The following CNBD1 variants were observed in gnomAD, a reference collection of about 807,000 sequenced individuals.
CNBD1 encodes cyclic nucleotide-binding domain-containing protein 1.
A neutral mutation model predicts 54.4 loss-of-function variants in CNBD1; 71 were observed. That is an observed-to-expected ratio of 1.30 (90% CI 1.08 to 1.59). The LOEUF (loss-of-function observed/expected upper bound fraction) is 1.59. CNBD1 is among the 40% of genes most tolerant of loss of function. CNBD1 has a pLI of 0.00. For synonymous variants in CNBD1, 182 were observed against 170.7 expected (o/e 1.07, Z -0.51); for missense variants, 659 against 518.0 (o/e 1.27, Z -2.64).
chr8:87,152,310 C>A (rs2130749936), intron 4 of CNBD1, among the ~76,000 whole-genome samples: 1 of 151,840 alleles, frequency 6.6e-6, no homozygotes, highest in African/African-American at 2.4e-5. Context: ...GAATGATAAC[C>A]AATATTTCAT....
chr8:86,974,985 G>A (rs1808309320), intron 4 of CNBD1, among the ~76,000 whole-genome samples: 1 of 151,942 alleles, frequency 6.6e-6, no homozygotes, highest in South Asian at 2.1e-4. Context: ...GGGCTAATGT[G>A]TTTGGAAAAA....
intron 5 of CNBD1, among the ~76,000 whole-genome samples, chr8:87,212,539 G>A (rs1425696044): frequency 1.3e-5 from 2 of 152,264 alleles, no homozygotes; most frequent in East Asian, 3.9e-4. Context: ...ATTGAGTCCA[G>A]AAATAATGTT....
In CNBD1 at chr8:87,087,289, A is replaced by T. The variant is rs183651103; in HGVS notation, c.432-118704A>T. ...TATATATATACGTATATATATATAT[A>T]TATTTTTTATTGCCCAATACATATA... On this transcript the variant is annotated intron_variant, in intron 4 of 10. Transcript: ENST00000518476. Among the ~76,000 whole-genome samples the T allele has an allele frequency of 8.1e-3, 1,175 of 145,526 alleles. 22 individuals are homozygous for T. The highest frequency in any genetic ancestry group is 0.029 in the African/African-American group (1,120 of 39,072).
In CNBD1 at chr8:86,866,442, A is replaced by G. The variant is rs112760560; in HGVS notation, c.-54A>G. 6.3e-5 allele frequency: 83 copies of G among 1,308,902 alleles called. No homozygotes were observed. The African/African-American group carries it at 9.3e-4, about 15-fold the overall frequency. The allele number at this position is 1,308,902 out of a possible 1,614,324, so 81.1% of individuals were successfully genotyped here. On this transcript the variant is annotated 5_prime_UTR_variant, in exon 1 of 11. Transcript: ENST00000518476. Reference sequence around the variant, plus strand: ...TTTATGAGCCTGCAGGCAAAGAGTGATCATTTGCCTCTCAAGCAGCCTCTG... The same window carrying G: ...TTTATGAGCCTGCAGGCAAAGAGTGGTCATTTGCCTCTCAAGCAGCCTCTG...
intron 5 of CNBD1, among the ~76,000 whole-genome samples, chr8:87,228,738 G>T (rs1814579286): frequency 6.6e-6 from 1 of 151,956 alleles, no homozygotes; most frequent in Admixed American, 6.5e-5. Flanking sequence ...ACAGAGGCAG[G>T]CAGGCCTCCT....
intron 4 of CNBD1, among the ~76,000 whole-genome samples, chr8:86,950,437 G>T (rs186198508): frequency 1.3e-5 from 2 of 152,194 alleles, no homozygotes; most frequent in East Asian, 3.9e-4. Context: ...TTGATATGAT[G>T]TATCACATTG....
intron 2 of CNBD1, among the ~76,000 whole-genome samples, chr8:87,399,307 C>T (rs1811459298): frequency 6.6e-6 from 1 of 152,010 alleles, no homozygotes. Context: ...CAGGGTTAGC[C>T]TTGGACACTG....
In CNBD1 at chr8:86,955,063, G is replaced by A. The variant is rs531728581; in HGVS notation, c.431+15309G>A. Among the ~76,000 whole-genome samples the A allele has an allele frequency of 1.2e-4, 17 of 143,850 alleles. No homozygotes were observed. In the East Asian group the frequency reaches 2.1e-3, roughly 18 times the overall value. 94.4% of individuals were successfully genotyped at this position (143,850 alleles called of 152,430 possible). A position where few individuals can be genotyped will look rare whatever the true frequency, so the allele number is the denominator to read the frequency against. On this transcript the variant is annotated intron_variant, in intron 4 of 10. Coordinates refer to ENST00000518476, the MANE Select transcript of CNBD1 (RefSeq NM_173538.3). ...GTGTTCTCATTGTTCATTTCCCACC[G>A]ATGAGTGAGAACATGCGGTGTTTGG...
intron 4 of CNBD1, among the ~76,000 whole-genome samples, chr8:87,088,502 C>G (rs1052575941): frequency 6.6e-6 from 1 of 151,966 alleles, no homozygotes; most frequent in African/African-American, 2.4e-5. Context: ...TTTAGTAGTG[C>G]TTGTTTTTAA....
At chr8:87,306,719 C>A (rs1438676120) in intron 8 of CNBD1, among the ~76,000 whole-genome samples, 1 of 150,906 alleles carries the variant, frequency 6.6e-6, no homozygotes, top group Non-Finnish European at 1.5e-5. Context: ...TATGAGGACA[C>A]AAAGGCATAA....
chr8:87,389,140 TATC>T (rs1811255188), intron 2 of CNBD1, among the ~76,000 whole-genome samples: 1 of 152,118 alleles, frequency 6.6e-6, no homozygotes, highest in African/African-American at 2.4e-5. Flanking sequence ...CCACAGCCAA[TATC>T]ATCCTGAATG....
chr8:87,413,246 C>T (rs939506096), intron 2 of CNBD1, among the ~76,000 whole-genome samples: 1 of 152,018 alleles, frequency 6.6e-6, no homozygotes. Context: ...GACTCATTTT[C>T]CAAGCTTAAC....
intron 3 of CNBD1, among the ~76,000 whole-genome samples, chr8:86,909,600 A>G (rs1460096709): frequency 6.6e-6 from 1 of 152,142 alleles, no homozygotes; most frequent in Non-Finnish European, 1.5e-5. Flanking sequence ...ATATGTATAC[A>G]TGTGCCATGT....
At chr8:87,368,579 G>A (rs981578650) in intron 10 of CNBD1, among the ~76,000 whole-genome samples, 3 of 151,880 alleles carry the variant, frequency 2.0e-5, no homozygotes, top group African/African-American at 7.2e-5. Flanking sequence ...TGAGGCTGCA[G>A]TGAGCTATGA....
intron 6 of CNBD1, among the ~76,000 whole-genome samples, chr8:87,268,973 G>C (rs983976877): frequency 2.6e-5 from 4 of 151,836 alleles, no homozygotes; most frequent in African/African-American, 7.3e-5. Context: ...TTACCTTTGG[G>C]GACTTAGTTA....
intron 4 of CNBD1, among the ~76,000 whole-genome samples, chr8:87,013,114 G>C (rs2130563780): frequency 6.6e-6 from 1 of 152,332 alleles, no homozygotes; most frequent in Admixed American, 6.5e-5. Flanking sequence ...GTGGAGCTAA[G>C]GTACAAGCAG....
intron 2 of CNBD1, among the ~76,000 whole-genome samples, chr8:87,408,918 T>G (rs550358575): frequency 8.3e-4 from 127 of 152,236 alleles, no homozygotes; most frequent in Non-Finnish European, 1.4e-3. Context: ...CTCACCAGTT[T>G]GTCATTCCCC....
intron 4 of CNBD1, chr8:87,044,609 A>G (rs1810142969): frequency 6.6e-6 from 1 of 152,190 alleles, no homozygotes; most frequent in South Asian, 2.1e-4. Context: ...AACTTTTCTT[A>G]TGTGAAAAGC....
rs1812316877 is a variant in CNBD1, at chr8:87,138,960, A to C, written c.432-67033A>C. 2.0e-5 allele frequency among the ~76,000 whole-genome samples: 3 copies of C among 152,226 alleles called. No individual in the cohort carries two copies. In the South Asian group the frequency reaches 6.2e-4, roughly 32 times the overall value. ...GTAAAAGTGATTGAGCTTTCCCATG[A>C]ATGCATCATTTGAATAACAATTTTT... On this transcript the variant is annotated intron_variant, in intron 4 of 10. Coordinates refer to ENST00000518476, the MANE Select transcript of CNBD1 (RefSeq NM_173538.3).
Sources: gnomAD v4.1 joint callset for allele counts (sites outside exome capture counted in the v4.1 genomes callset) on GRCh38, gnomAD v4.1.1 for gene constraint, MANE v1.5 for transcripts, NCBI Gene and HGNC (gene_info 2026-07-23, HGNC 2026-07-21) for gene names.